The following ITSN1 variants were observed in gnomAD, a reference collection of about 807,000 sequenced individuals.
The protein encoded by ITSN1 is intersectin-1.
ITSN1 carries 58 observed loss-of-function variants against 239.8 expected under a neutral mutation model. The ratio of observed to expected loss-of-function variants is 0.24; its 90% CI spans 0.20 to 0.30. ITSN1 has a LOEUF of 0.30. ITSN1 is among the 10% of genes least tolerant of loss of function. The pLI is 1.00. For synonymous variants in ITSN1, 780 were observed against 770.8 expected (o/e 1.01, Z -0.20); for missense variants, 1,558 against 2,103.3 (o/e 0.74, Z 5.07).
Position 33,818,354 on chromosome 21 carries a change from G to A in ITSN1, c.2815G>A (p.Val939Ile), listed in dbSNP as rs748843237. Residue 939 changes from valine to isoleucine, a missense_variant, in exon 23 of 40, where the codon GTC becomes ATC. By Grantham distance (29) the Val-to-Ile change is conservative. This residue lies in a region of ITSN1 where 982 missense variants were observed against 1,209.9 expected (regional missense o/e 0.81). Coordinates refer to ENST00000381318, the MANE Select transcript of ITSN1 (RefSeq NM_003024.3). ...CCACTTAAATTTTAACAAAAATGAT[G>A]TCATCACCGTCCTGGAACAGCAAGA... Reference protein sequence around the residue: ...DNHLNFNKNDVITVLEQQDMW... With the variant: ...DNHLNFNKNDIITVLEQQDMW... 2.5e-6 allele frequency: 4 copies of A among 1,614,200 alleles called. No individual in the cohort carries two copies. The Admixed American group carries it at 6.7e-5, about 27-fold the overall frequency.
intron 1 of ITSN1, among the ~76,000 whole-genome samples, chr21:33,700,031 G>A (rs1371312239): frequency 1.3e-5 from 2 of 151,964 alleles, no homozygotes; most frequent in African/African-American, 4.8e-5. Flanking sequence ...CAAAGTGCTA[G>A]GAGTATCGGT....
At chr21:33,655,953 AAG>A (rs1386548993) in intron 1 of ITSN1, among the ~76,000 whole-genome samples, 2 of 152,152 alleles carry the variant, frequency 1.3e-5, no homozygotes, top group Non-Finnish European at 2.9e-5. Context: ...GGAGAGAAAA[AAG>A]AGGATTGTAG....
chr21:33,795,741 C>T (rs1344703756), intron 17 of ITSN1, among the ~76,000 whole-genome samples: 1 of 151,848 alleles, frequency 6.6e-6, no homozygotes, highest in Admixed American at 6.6e-5. Flanking sequence ...TCACACTATA[C>T]CACACTGAAC....
intron 1 of ITSN1, among the ~76,000 whole-genome samples, chr21:33,710,525 A>C (rs1194323514): frequency 6.6e-6 from 1 of 152,030 alleles, no homozygotes; most frequent in South Asian, 2.1e-4. Flanking sequence ...AGGATAAACT[A>C]TTTGGTTATA....
In ITSN1 at chr21:33,811,231, TGGTG is replaced by T; in HGVS notation, c.2567+12_2567+15del. On this transcript the variant is annotated intron_variant, in intron 21 of 39. Transcript: ENST00000381318. ...GCCGACTTCAGCTCCACGTACGTGTTGGTGGGCTCTTTCTGATGATTTTTGAAAT... is the reference window on the plus strand; with the variant it reads ...GCCGACTTCAGCTCCACGTACGTGTTGGCTCTTTCTGATGATTTTTGAAAT... The T allele has an allele frequency of 6.4e-7, 1 of 1,557,472 alleles. No homozygotes were observed. Among genetic ancestry groups the T allele is most frequent in the Non-Finnish European group, 8.7e-7 (1 of 1,154,060 alleles).
chr21:33,797,311 G>GA lies in ITSN1; in HGVS notation c.1953-64dup, dbSNP rs1248817570. On this transcript the variant is annotated intron_variant, in intron 17 of 39. Coordinates refer to ENST00000381318, the MANE Select transcript of ITSN1 (RefSeq NM_003024.3). This position sits in a 1 kb window ranked among gnomAD's most constrained non-coding sequence, Gnocchi z 4.9. ...ATTTACTGGATGGAGCTTTTTTTGT[G>GA]AAAAGAGGCAACAGTAGTGTTAACT... The GA allele has an allele frequency of 1.4e-6, 2 of 1,380,174 alleles. No homozygotes were observed. The highest frequency in any genetic ancestry group is 2.0e-6 in the Non-Finnish European group (2 of 985,096). The allele number at this position is 1,380,174 out of a possible 1,614,324, so 85.5% of individuals were successfully genotyped here. A position where few individuals can be genotyped will look rare whatever the true frequency, so the allele number is the denominator to read the frequency against.
chr21:33,665,156 G>A (rs371595236), intron 1 of ITSN1, among the ~76,000 whole-genome samples: 2 of 138,584 alleles, frequency 1.4e-5, no homozygotes, highest in African/African-American at 5.3e-5. Context: ...CCAGCTACTC[G>A]GGAGGCTGAG....
Position 33,755,292 on chromosome 21 carries a change from C to T in ITSN1, c.624-5C>T, listed in dbSNP as rs756333252. The T allele has an allele frequency of 1.9e-6, 3 of 1,575,328 alleles. No individual in the cohort carries two copies. The highest frequency in any genetic ancestry group is 3.5e-5 in the Admixed American group (2 of 56,568). ...CTCTTTCTCTCCTTTTTCTTTTCCC[C>T]ACAGTGTCCCACCAGTGGCAGAGTG... On this transcript the variant is annotated splice_polypyrimidine_tract_variant and splice_region_variant and intron_variant, in intron 7 of 39. Transcript: ENST00000381318.
At chr21:33,763,856 T>C (rs2068538732) in intron 9 of ITSN1, among the ~76,000 whole-genome samples, 1 of 152,238 alleles carries the variant, frequency 6.6e-6, no homozygotes, top group Non-Finnish European at 1.5e-5. Flanking sequence ...ATAAACTTTG[T>C]CTACAAGACT....
At chr21:33,845,940 C>G (rs957696321) in intron 29 of ITSN1, among the ~76,000 whole-genome samples, 1 of 152,344 alleles carries the variant, frequency 6.6e-6, no homozygotes, top group Non-Finnish European at 1.5e-5. Flanking sequence ...CGTGGGCCCA[C>G]GTCAGCAGGA....
intron 31 of ITSN1, among the ~76,000 whole-genome samples, chr21:33,859,234 G>T (rs903610539): frequency 1.3e-5 from 2 of 152,210 alleles, no homozygotes; most frequent in African/African-American, 4.8e-5. Context: ...AACATCAGCA[G>T]TTCCTCAGGA....
At chr21:33,817,119 C>CAT in intron 22 of ITSN1, 2 of 1,171,410 alleles carry the variant, frequency 1.7e-6, no homozygotes, top group Non-Finnish European at 2.2e-6. Flanking sequence ...CTTGTCCATT[C>CAT]ATATATATGA....
At chr21:33,661,337 A>G in intron 1 of ITSN1, among the ~76,000 whole-genome samples, 1 of 152,148 alleles carries the variant, frequency 6.6e-6, no homozygotes, top group Non-Finnish European at 1.5e-5. Context: ...TGCTTTGAGT[A>G]TCTAGTCATA....
At chr21:33,871,130 CAAA>C (rs748935209) in intron 33 of ITSN1, among the ~76,000 whole-genome samples, 1 of 132,892 alleles carries the variant, frequency 7.5e-6, no homozygotes, top group Non-Finnish European at 1.6e-5. Context: ...GACTCTGTCT[CAAA>C]AAAAAAACAA....
At position 33,836,564 on chromosome 21, in the gene ITSN1, A is replaced by G. The variant is rs376413318; in HGVS notation, c.3593A>G (p.Asn1198Ser). 5.9e-5 allele frequency: 95 copies of G among 1,614,050 alleles called. No individual in the cohort carries two copies. Among genetic ancestry groups the G allele is most frequent in the South Asian group, 5.8e-4 (53 of 91,084 alleles). ...EDPDWWKGEV[N>S]GQVGLFPSNY... ...CCTGACTGGTGGAAAGGAGAAGTCAATGGACAAGTGGGGCTCTTCCCATCC... is the reference window on the plus strand; with the variant it reads ...CCTGACTGGTGGAAAGGAGAAGTCAGTGGACAAGTGGGGCTCTTCCCATCC... Residue 1198 changes from asparagine (N) to serine (S), a missense_variant, in exon 29 of 40, where the codon AAT becomes AGT. This residue lies in a region of ITSN1 where 576 missense variants were observed against 893.3 expected (regional missense o/e 0.64). Coordinates refer to ENST00000381318, the MANE Select transcript of ITSN1 (RefSeq NM_003024.3).
At chr21:33,690,801 A>G (rs1407526728) in intron 1 of ITSN1, among the ~76,000 whole-genome samples, 1 of 24,328 alleles carries the variant, frequency 4.1e-5, no homozygotes, top group Non-Finnish European at 8.0e-5. Flanking sequence ...ATATATATAT[A>G]TATATATATA....
intron 25 of ITSN1, among the ~76,000 whole-genome samples, chr21:33,824,263 C>T (rs955360183): frequency 1.2e-4 from 18 of 152,082 alleles, no homozygotes; most frequent in African/African-American, 2.9e-4. Context: ...AAAATTTGAT[C>T]ACATAAACTG....
rs544719852 is a variant in ITSN1 at position 33,761,853 on chromosome 21, A to G, written c.725-70A>G. 4.7e-3 allele frequency: 5,304 copies of G among 1,129,414 alleles called. 22 individuals are homozygous for G. The highest frequency in any genetic ancestry group is 6.2e-3 in the Non-Finnish European group (4,540 of 738,114). The allele number at this position is 1,129,414 out of a possible 1,614,324, so 70.0% of individuals were successfully genotyped here. On this transcript the variant is annotated intron_variant, in intron 8 of 39. Transcript: ENST00000381318. ...GTCATGGAGTAGTCCACATACGCAG[A>G]ACCCTGGTCCTCCTGTACAGTGAGT...
intron 1 of ITSN1, among the ~76,000 whole-genome samples, chr21:33,671,177 T>C (rs1204938073): frequency 6.6e-6 from 1 of 152,208 alleles, no homozygotes; most frequent in African/African-American, 2.4e-5. Context: ...TCCCAGCGAA[T>C]GAGACCACCA....
Sources: allele counts gnomAD v4.1 joint callset (sites outside exome capture counted in the v4.1 genomes callset), GRCh38; gene constraint gnomAD v4.1.1; regional missense constraint gnomAD v4.1.1; non-coding constraint Gnocchi (gnomAD v3.1); transcripts MANE v1.5; gene names NCBI Gene and HGNC (gene_info 2026-07-23, HGNC 2026-07-21).